The following SH3TC1 variants were observed in gnomAD, a reference collection of about 807,000 sequenced individuals.
SH3TC1 encodes the protein SH3 domain and tetratricopeptide repeats 1.
A neutral mutation model predicts 117.3 loss-of-function variants in SH3TC1; 135 were observed. The observed-to-expected ratio is 1.15, with a 90% confidence interval of 1.00 to 1.33. The LOEUF is 1.33. Among genes scored for constraint, SH3TC1 ranks in the 40% most tolerant of loss-of-function variants. SH3TC1 has a pLI of 0.00. For missense variants in SH3TC1, 2,092 were observed against 1,794.3 expected (o/e 1.17, Z -3.00); for synonymous variants, 898 against 816.9 (o/e 1.10, Z -1.69).
chr4:8,236,489 G>T, intron 16 of SH3TC1, 61 bp downstream of exon 16: 1 of 1,416,970 alleles, frequency 7.1e-7, no homozygotes, highest in Non-Finnish European at 9.2e-7. Flanking sequence ...CAGCCTCCAG[G>T]TCTGCAGGGC....
intron 1 of SH3TC1, among the ~76,000 whole-genome samples, chr4:8,204,467 G>C (rs112125317): frequency 0.013 from 1,989 of 152,282 alleles, 54 homozygotes; most frequent in African/African-American, 0.046. Flanking sequence ...AAACTGCCCT[G>C]GCCATGGTGT....
chr4:8,213,448 A>G (rs1718927700), intron 4 of SH3TC1, among the ~76,000 whole-genome samples: 1 of 152,082 alleles, frequency 6.6e-6, no homozygotes, highest in Admixed American at 6.6e-5. Context: ...TATGTGATTA[A>G]CTCACACCAA....
At position 8,209,858 on chromosome 4, in the gene SH3TC1, C is replaced by A; in HGVS notation, c.247+36C>A. 1.2e-6 allele frequency: 2 copies of A among 1,600,316 alleles called. No homozygotes were observed. The highest frequency in any genetic ancestry group is 1.7e-6 in the Non-Finnish European group (2 of 1,172,388). The stretch of plus-strand genomic sequence containing the variant: ...TGGGCCCTACACAGGGCTTCAGGTT[C>A]AAATCCGGGCTGTGCCGCTCCCTGG... On this transcript the variant is annotated intron_variant, in intron 3 of 17. Transcript: ENST00000245105. This position sits in a 1 kb window ranked among gnomAD's most constrained non-coding sequence, Gnocchi z 5.9.
chr4:8,225,321 G>C lies in SH3TC1; in HGVS notation c.1285+105G>C. On this transcript the variant is annotated intron_variant, in intron 11 of 17. Transcript: ENST00000245105. The surrounding 1 kb of genome is among the most constrained non-coding windows in gnomAD (Gnocchi z 5.5). ...AGCACGGTGGGCATTGGGTGCGGCT[G>C]TCACCCCTCTGTGGTGTGGGCTGGG... The C allele has an allele frequency of 7.9e-7, 1 of 1,271,460 alleles. No individual in the cohort carries two copies. The highest frequency in any genetic ancestry group is 1.1e-6 in the Non-Finnish European group (1 of 898,268). 78.8% of individuals were successfully genotyped at this position (1,271,460 alleles called of 1,614,324 possible).
chr4:8,240,809 A>G lies in SH3TC1; in HGVS notation c.3865A>G (p.Asn1289Asp). The G allele has an allele frequency of 6.2e-7, 1 of 1,614,122 alleles. No individual in the cohort carries two copies. Reference protein sequence around the residue: ...IYTRLATIYHNFLLDREKSLF... With the variant: ...IYTRLATIYHDFLLDREKSLF... ...CACGCGGCTGGCCACCATCTACCACAACTTCCTCCTGGACCGTGAGAAGTC... is the reference window on the plus strand; with the variant it reads ...CACGCGGCTGGCCACCATCTACCACGACTTCCTCCTGGACCGTGAGAAGTC... The change falls in exon 18 of 18, where the codon AAC (asparagine) becomes GAC (aspartate). Residue 1289 changes from asparagine (N) to aspartate (D), a missense_variant. Asn to Asp is a conservative substitution (Grantham distance 23, BLOSUM62 1). Coordinates refer to ENST00000245105, the MANE Select transcript of SH3TC1 (RefSeq NM_018986.5).
At chr4:8,219,008 C>T (rs551517371) in intron 8 of SH3TC1, among the ~76,000 whole-genome samples, 1 of 152,184 alleles carries the variant, frequency 6.6e-6, no homozygotes, top group African/African-American at 2.4e-5. Context: ...CATGCAGGAG[C>T]CGGGTGGGGA....
At chr4:8,240,430 G>T (rs868193210) in intron 17 of SH3TC1, among the ~76,000 whole-genome samples, 2 of 152,158 alleles carry the variant, frequency 1.3e-5, no homozygotes, top group African/African-American at 4.8e-5. Context: ...TCAGCCCACG[G>T]GGAAAGCAGC....
chr4:8,199,048 G>T (rs576480346), upstream of SH3TC1, among the ~76,000 whole-genome samples: 1 of 152,236 alleles, frequency 6.6e-6, no homozygotes, highest in Admixed American at 6.5e-5. Flanking sequence ...CCAGCCTGGC[G>T]GGGGACTGGG....
chr4:8,232,583 G>C, intron 13 of SH3TC1: 2 of 1,356,218 alleles, frequency 1.5e-6, no homozygotes, highest in Non-Finnish European at 2.0e-6. Flanking sequence ...GACAGAGCCA[G>C]TTGTGTCACC....
chr4:8,195,192 G>A (rs577337029), upstream of SH3TC1, among the ~76,000 whole-genome samples: 1 of 152,332 alleles, frequency 6.6e-6, no homozygotes, highest in East Asian at 1.9e-4. Context: ...CATCTTCTTG[G>A]CAAGTGACAA....
chr4:8,239,967 G>C (rs1319153037), intron 17 of SH3TC1, among the ~76,000 whole-genome samples: 1 of 152,256 alleles, frequency 6.6e-6, no homozygotes, highest in Admixed American at 6.5e-5. Flanking sequence ...TGAGGGCATG[G>C]GCTGCTGCAT....
rs745624249 is a variant in SH3TC1, at chr4:8,235,444, C to T, written c.3294C>T (p.Asn1098=). Reference sequence around the variant, plus strand: ...CTGCCTCCTTTCAGGTGGCACAGAACGTGGCCCTGTACACAGGCGACCCCA... The same window carrying T: ...CTGCCTCCTTTCAGGTGGCACAGAATGTGGCCCTGTACACAGGCGACCCCA... ...LVDLYIQVAQ[N]VALYTGDPNL... The change falls in exon 15 of 18, where the codon AAC becomes AAT. Residue 1098 remains asparagine, a synonymous_variant. Coordinates refer to ENST00000245105, the MANE Select transcript of SH3TC1 (RefSeq NM_018986.5). The T allele has an allele frequency of 1.2e-5, 19 of 1,546,426 alleles. No individual in the cohort carries two copies. The Admixed American group carries it at 1.4e-4, about 11-fold the overall frequency.
rs1448818760 is a variant in SH3TC1, at chr4:8,228,100, C to A, written c.2406C>A (p.His802Gln). ...AGCTGTACAGCCACCATGGCTGCCACGGCCCGGCCATCACCTTCATGACGC... is the reference window on the plus strand; with the variant it reads ...AGCTGTACAGCCACCATGGCTGCCAAGGCCCGGCCATCACCTTCATGACGC... The part of the protein sequence containing the change: ...LAQLYSHHGC[H>Q]GPAITFMTQA... The change falls in exon 12 of 18, where the codon CAC (histidine) becomes CAA (glutamine). Residue 802 changes from histidine (H) to glutamine (Q), a missense_variant. Transcript: ENST00000245105. 10 of 1,609,580 alleles carry A rather than the reference C, an allele frequency of 6.2e-6. No individual in the cohort carries two copies. The highest frequency in any genetic ancestry group is 8.5e-6 in the Non-Finnish European group (10 of 1,177,858).
Position 8,235,858 on chromosome 4 carries a change from C to T in SH3TC1, c.3405+303C>T, listed in dbSNP as rs138616312. ...TGAGGCTCAGAGAGGCACAGGGACACGTCAAAGGACACACGGCATGCCAGT... is the reference window on the plus strand; with the variant it reads ...TGAGGCTCAGAGAGGCACAGGGACATGTCAAAGGACACACGGCATGCCAGT... On this transcript the variant is annotated intron_variant, in intron 15 of 17. Transcript: ENST00000245105. 1,549 of 378,488 alleles carry T rather than the reference C, an allele frequency of 4.1e-3. 18 individuals are homozygous for T. Among genetic ancestry groups the T allele is most frequent in the African/African-American group, 0.03 (1,434 of 48,170 alleles). The allele number at this position is 378,488 out of a possible 1,614,324, so 23.4% of individuals were successfully genotyped here.
chr4:8,231,474 G>A (rs1028953993), intron 12 of SH3TC1: 6 of 158,654 alleles, frequency 3.8e-5, no homozygotes, highest in Admixed American at 5.9e-5. Flanking sequence ...CGTTCCCAGC[G>A]CCTTGGCTTT....
intron 5 of SH3TC1, 138 bp downstream of exon 5, chr4:8,214,718 C>T (rs1014977270): frequency 5.6e-6 from 4 of 715,374 alleles, no homozygotes; most frequent in South Asian, 3.6e-5. Context: ...AAGTCTTGCT[C>T]TGTCGCCCAG....
At position 8,193,735 on chromosome 4, in the gene SH3TC1, T is replaced by TGG. The variant is rs376877565; in HGVS notation, c.-57+11528_-57+11529dup. On this transcript the variant is annotated intron_variant, in intron 1 of 16. Coordinates refer to the SH3TC1 transcript ENST00000508641. Reference sequence around the variant, plus strand: ...GGGTGCTGCCATCGCCAGTGGCAGGTGGGGCTCCAAGCTGCAAAAAGCAGC... The same window carrying TGG: ...GGGTGCTGCCATCGCCAGTGGCAGGTGGGGGGCTCCAAGCTGCAAAAAGCAGC... Among the ~76,000 whole-genome samples, 592 of 151,410 alleles carry TGG rather than the reference T, an allele frequency of 3.9e-3. 3 individuals are homozygous for TGG. The highest frequency in any genetic ancestry group is 0.014 in the African/African-American group (562 of 41,462).
rs141783565 is a variant in SH3TC1 at position 8,240,756 on chromosome 4, G to A, written c.3812G>A (p.Gly1271Asp). ...GCGCTGGCAGCCGCCGTGGACCTGG[G>A]CAACAAGAAGGCACAGCTGAAGATC... Reference protein sequence around the residue: ...QLALAAAVDLGNKKAQLKIYT... With the variant: ...QLALAAAVDLDNKKAQLKIYT... The change falls in exon 18 of 18, where the codon GGC becomes GAC. Residue 1271 changes from glycine to aspartate, a missense_variant. Transcript: ENST00000245105. The A allele has an allele frequency of 4.3e-4, 697 of 1,608,194 alleles. 5 individuals carry two copies. The Middle Eastern group carries it at 8.6e-3, about 20-fold the overall frequency.
At chr4:8,223,669 G>C (rs1381227102) in intron 10 of SH3TC1, among the ~76,000 whole-genome samples, 1 of 143,498 alleles carries the variant, frequency 7.0e-6, no homozygotes, top group Admixed American at 7.3e-5. Context: ...GTCCTGTGCT[G>C]TTGCCCAGGC....
Sources: gnomAD v4.1 joint callset for allele counts (sites outside exome capture counted in the v4.1 genomes callset) on GRCh38, gnomAD v4.1.1 for gene constraint, Gnocchi (gnomAD v3.1) non-coding constraint, MANE v1.5 for transcripts, NCBI Gene and HGNC (gene_info 2026-07-23, HGNC 2026-07-21) for gene names.